BRWD1: variants seen among roughly 807,000 people sequenced by gnomAD.
The protein encoded by BRWD1 is bromodomain and WD repeat domain containing 1.
Under a neutral mutation model 251.2 loss-of-function variants are expected in BRWD1, and 82 were observed. The ratio of observed to expected loss-of-function variants is 0.33; its 90% CI spans 0.27 to 0.39. BRWD1 has a LOEUF of 0.39. Among genes scored for constraint, BRWD1 ranks in the 10% least tolerant of loss-of-function variants. BRWD1 has a pLI of 1.00. For synonymous variants in BRWD1, 918 were observed against 902.8 expected, an observed-to-expected ratio of 1.02 and a Z score of -0.30; for missense variants, 2,233 against 2,711.6, an observed-to-expected ratio of 0.82 and a Z score of 3.92.
chr21:39,292,925 G>A (rs2035857026), intron 8 of BRWD1, among the ~76,000 whole-genome samples: 1 of 152,126 alleles, frequency 6.6e-6, no homozygotes, highest in Non-Finnish European at 1.5e-5. Flanking sequence ...TAATGGTGTT[G>A]CAGTTTTTTT....
At chr21:39,277,477 A>G (rs1289233794) in intron 10 of BRWD1, 126 bp from the exon 11 acceptor site, 12 of 583,896 alleles carry the variant, frequency 2.1e-5, no homozygotes, top group Non-Finnish European at 3.0e-5. Context: ...CTCAACAGTT[A>G]CATTTTCTGA....
intron 15 of BRWD1, among the ~76,000 whole-genome samples, chr21:39,265,320 G>A (rs1288579623): frequency 6.6e-6 from 1 of 152,102 alleles, no homozygotes; most frequent in African/African-American, 2.4e-5. Flanking sequence ...AGCTACTCAG[G>A]AAGCTGAGAC....
chr21:39,247,735 G>T lies in BRWD1; in HGVS notation c.2447C>A (p.Ser816Tyr). 6.2e-7 allele frequency: 1 copy of T among 1,613,342 alleles called. No homozygotes were observed. Among genetic ancestry groups the T allele is most frequent in the Non-Finnish European group, 8.5e-7 (1 of 1,179,732 alleles). The change falls in exon 21 of 41, where the codon TCT (serine) becomes TAT (tyrosine). Residue 816 changes from serine to tyrosine, a missense_variant. Coordinates refer to ENST00000342449, the MANE Select transcript of BRWD1 (RefSeq NM_033656.4). Reference protein sequence around the residue: ...GRRNRSWRELSSGNESSSSVR... With the variant: ...GRRNRSWRELYSGNESSSSVR... ...AGAGCTTGAAGACTCATTTCCAGAA[G>T]ATAACTCACGCCAGCTACGATTTCT... is the stretch of plus-strand genomic sequence containing the variant.
intron 4 of BRWD1, among the ~76,000 whole-genome samples, chr21:39,306,207 C>A (rs562773383): frequency 2.0e-5 from 3 of 151,482 alleles, no homozygotes; most frequent in African/African-American, 4.8e-5. Context: ...GTAGCTGGGA[C>A]TACAGGCGCC....
chr21:39,302,035 T>C (rs1355386004), intron 4 of BRWD1, among the ~76,000 whole-genome samples: 1 of 130,554 alleles, frequency 7.7e-6, no homozygotes, highest in East Asian at 2.4e-4. Flanking sequence ...CAGGCTGGAG[T>C]GTAGTGGCCC....
At position 39,296,381 on chromosome 21, in the gene BRWD1, G is replaced by A; in HGVS notation, c.350-18C>T. ...CCTGCAGTCTTTAAAATGAATTTTAGATACACATAAAATCTTGAAAGTTAA... is the reference window on the plus strand; with the variant it reads ...CCTGCAGTCTTTAAAATGAATTTTAAATACACATAAAATCTTGAAAGTTAA... On this transcript the variant is annotated intron_variant, in intron 5 of 40. Transcript: ENST00000342449. The A allele has an allele frequency of 6.5e-7, 1 of 1,547,408 alleles. No homozygotes were observed. The highest frequency in any genetic ancestry group is 8.7e-7 in the Non-Finnish European group (1 of 1,152,400).
Position 39,185,598 on chromosome 21 carries a change from G to A in BRWD1, c.*10661C>T, listed in dbSNP as rs2031187359. ...AAAAGGAGCAAAGGACACAGACTTA[G>A]TAGGTTAGAATATTCTGGCTTATGC... is the stretch of plus-strand genomic sequence containing the variant. On this transcript the variant is annotated 3_prime_UTR_variant, in exon 41 of 41. Coordinates refer to ENST00000342449, the MANE Select transcript of BRWD1 (RefSeq NM_033656.4). 6.6e-6 allele frequency: 1 copy of A among 151,896 alleles called. No homozygotes were observed. Among genetic ancestry groups the A allele is most frequent in the Admixed American group, 6.6e-5 (1 of 15,244 alleles). 9.4% of individuals were successfully genotyped at this position (151,896 alleles called of 1,614,324 possible).
chr21:39,287,925 A>G (rs1345124956), intron 8 of BRWD1, among the ~76,000 whole-genome samples: 2 of 152,152 alleles, frequency 1.3e-5, no homozygotes, highest in African/African-American at 2.4e-5. Context: ...TTACCCCAAA[A>G]TTTTTAGCTG....
intron 21 of BRWD1, among the ~76,000 whole-genome samples, chr21:39,242,794 A>G (rs540816057): frequency 6.6e-6 from 1 of 152,322 alleles, no homozygotes; most frequent in East Asian, 1.9e-4. Flanking sequence ...CTGCCTGAGC[A>G]TAAGAAATGG....
At chr21:39,216,790 TTTTTAAC>T (rs1336980721) in intron 31 of BRWD1, 6 of 299,216 alleles carry the variant, frequency 2.0e-5, no homozygotes, top group African/African-American at 8.9e-5. Context: ...AAATATATTT[TTTTTAAC>T]TTTTAAGTTC....
intron 31 of BRWD1, chr21:39,216,631 G>A: frequency 5.9e-6 from 2 of 339,708 alleles, no homozygotes; most frequent in South Asian, 2.9e-5. Flanking sequence ...GTATATGACT[G>A]TATAAATAAC....
chr21:39,313,019 G>A (rs1461163309), intron 3 of BRWD1, 53 bp downstream of exon 3: 64 of 1,293,326 alleles, frequency 4.9e-5, no homozygotes, highest in South Asian at 1.4e-4. Context: ...CATCCCTCAG[G>A]GCAAGGTCGG....
Position 39,299,685 on chromosome 21 carries a change from G to T in BRWD1, c.199-1103C>A, listed in dbSNP as rs144182604. ...TACAAGCTTTTCTGGGAACAGAAAAGGGACTCAGGCTGGGCACGGTGGCTC... is the reference window on the plus strand; with the variant it reads ...TACAAGCTTTTCTGGGAACAGAAAATGGACTCAGGCTGGGCACGGTGGCTC... On this transcript the variant is annotated intron_variant, in intron 4 of 40. Coordinates refer to ENST00000342449, the MANE Select transcript of BRWD1 (RefSeq NM_033656.4). 5.3e-5 allele frequency among the ~76,000 whole-genome samples: 8 copies of T among 152,050 alleles called. No homozygotes were observed. In the East Asian group the frequency reaches 1.6e-3, roughly 29 times the overall value.
chr21:39,209,942 A>T lies in BRWD1; in HGVS notation c.4197+53T>A, dbSNP rs1247371348. The T allele has an allele frequency of 6.2e-5, 96 of 1,540,712 alleles. 1 individual carries two copies. The Middle Eastern group carries it at 2.0e-3, about 32-fold the overall frequency. ...GGAAAAAATTACTATTACATTGGAA[A>T]ATTATCTACACAGATCAGGCAGTTT... On this transcript the variant is annotated intron_variant, in intron 36 of 40. Transcript: ENST00000342449.
intron 27 of BRWD1, among the ~76,000 whole-genome samples, chr21:39,228,247 C>T (rs756288425): frequency 6.6e-6 from 1 of 152,096 alleles, no homozygotes; most frequent in Non-Finnish European, 1.5e-5. Flanking sequence ...GAGATCACAC[C>T]ATTGCACTCC....
intron 27 of BRWD1, 112 bp downstream of exon 27, chr21:39,228,388 G>T (rs1024593731): frequency 8.7e-6 from 6 of 687,708 alleles, no homozygotes; most frequent in Non-Finnish European, 1.0e-5. Context: ...TATCTCTTCT[G>T]GAATTTACAT....
intron 31 of BRWD1, chr21:39,216,984 T>C (rs986155413): frequency 1.5e-5 from 2 of 132,112 alleles, no homozygotes; most frequent in Admixed American, 8.2e-5. Flanking sequence ...TGTGTGTCCA[T>C]GTGGTCTTAT....
At chr21:39,309,823 T>C (rs1205516166) in intron 4 of BRWD1, among the ~76,000 whole-genome samples, 12 of 61,000 alleles carry the variant, frequency 2.0e-4, no homozygotes, top group African/African-American at 5.6e-4. Flanking sequence ...AGACTCCGTC[T>C]CAAAAAAAAA....
chr21:39,300,995 G>A (rs1028600054), intron 4 of BRWD1, among the ~76,000 whole-genome samples: 6 of 152,088 alleles, frequency 3.9e-5, no homozygotes, highest in South Asian at 2.1e-4. Flanking sequence ...TGGCTAACAC[G>A]GTAAAACCCT....
Sources: gnomAD v4.1 joint callset for allele counts (sites outside exome capture counted in the v4.1 genomes callset) on GRCh38, gnomAD v4.1.1 for gene constraint, MANE v1.5 for transcripts, NCBI Gene and HGNC (gene_info 2026-07-23, HGNC 2026-07-21) for gene names.